ATP6V0A4: variants seen among roughly 807,000 people sequenced by gnomAD.
ATP6V0A4 encodes the protein V-type proton ATPase 116 kDa subunit a 4.
ATP6V0A4 carries 86 observed loss-of-function variants against 107.3 expected under a neutral mutation model. The observed-to-expected ratio is 0.80, with a 90% CI of 0.67 to 0.96. ATP6V0A4 has a LOEUF of 0.96. Among genes scored for constraint, ATP6V0A4 ranks in the 40% least tolerant of loss-of-function variants. ATP6V0A4 has a pLI of 0.00. For missense variants in ATP6V0A4, 908 were observed against 1,045.6 expected, an observed-to-expected ratio of 0.87 and a Z score of 1.81; for synonymous variants, 353 against 381.4, an observed-to-expected ratio of 0.93 and a Z score of 0.87.
At chr7:138,779,924 G>C (rs542104383) in intron 2 of ATP6V0A4, 8 of 152,304 alleles carry the variant, frequency 5.3e-5, no homozygotes, top group Non-Finnish European at 1.0e-4. Flanking sequence ...CTTGTTTCTG[G>C]AGCTGGTGAT....
At chr7:138,755,934 C>A (rs1481027715) in intron 9 of ATP6V0A4, 152 bp from the exon 10 acceptor site, 2 of 1,401,766 alleles carry the variant, frequency 1.4e-6, no homozygotes, top group African/African-American at 2.8e-5. Context: ...AAAGGAGTCC[C>A]AGTCATAAGG....
intron 13 of ATP6V0A4, among the ~76,000 whole-genome samples, chr7:138,745,820 G>A (rs545442108): frequency 4.1e-5 from 6 of 145,374 alleles, no homozygotes; most frequent in East Asian, 4.1e-4. Flanking sequence ...TGGTATGCAC[G>A]TTAGTCGCAG....
intron 12 of ATP6V0A4, chr7:138,747,777 G>A (rs2117278567): frequency 4.0e-6 from 3 of 751,586 alleles, no homozygotes; most frequent in South Asian, 3.8e-5. Context: ...TTTTTTGAAA[G>A]TGGGTCTCGC....
At chr7:138,738,564 A>T (rs1805462857) in intron 15 of ATP6V0A4, among the ~76,000 whole-genome samples, 1 of 152,200 alleles carries the variant, frequency 6.6e-6, no homozygotes, top group Non-Finnish European at 1.5e-5. Context: ...GCACTTTGCA[A>T]CTTACACACC....
chr7:138,718,016 G>A (rs1190818816), intron 19 of ATP6V0A4, among the ~76,000 whole-genome samples: 2 of 150,856 alleles, frequency 1.3e-5, no homozygotes, highest in South Asian at 4.2e-4. Context: ...AGTCACAGAT[G>A]TCTGCGGAGG....
chr7:138,712,654 A>G (rs7810105), intron 20 of ATP6V0A4, among the ~76,000 whole-genome samples: 20,899 of 152,054 alleles, frequency 0.14, 2,202 homozygotes, highest in African/African-American at 0.29. Context: ...TATGGACTGG[A>G]AGCCACGTCT....
intron 1 of ATP6V0A4, among the ~76,000 whole-genome samples, chr7:138,795,507 T>C (rs1214271102): frequency 6.6e-6 from 1 of 152,242 alleles, no homozygotes; most frequent in African/African-American, 2.4e-5. Context: ...AGGGACAGGC[T>C]CTGCTCACGT....
chr7:138,776,760 G>C (rs768392336), intron 2 of ATP6V0A4, among the ~76,000 whole-genome samples: 18 of 152,208 alleles, frequency 1.2e-4, no homozygotes, highest in Non-Finnish European at 1.8e-4. Context: ...CAGGATCCCA[G>C]CTCTGCCATT....
intron 4 of ATP6V0A4, 121 bp from the exon 5 acceptor site, chr7:138,768,995 T>C: frequency 6.4e-7 from 1 of 1,572,790 alleles, no homozygotes; most frequent in Non-Finnish European, 8.6e-7. Flanking sequence ...TCCTAGGAGC[T>C]GCCACAGCAC....
Position 138,706,410 on chromosome 7 carries a change from C to T in ATP6V0A4, c.*214G>A. The T allele has an allele frequency of 1.7e-6, 1 of 578,158 alleles. No individual in the cohort carries two copies. The highest frequency in any genetic ancestry group is 3.0e-5 in the East Asian group (1 of 33,446). 35.8% of individuals were successfully genotyped at this position (578,158 alleles called of 1,614,324 possible). A position where few individuals can be genotyped will look rare whatever the true frequency, so the allele number is the denominator to read the frequency against. On this transcript the variant is annotated 3_prime_UTR_variant, in exon 22 of 22. Transcript: ENST00000310018. ...CTTTATTATTTGAGAATTAATACCC[C>T]ACATGAAGACAATATCACTTGCCAA...
intron 14 of ATP6V0A4, among the ~76,000 whole-genome samples, chr7:138,743,854 G>A (rs1805766320): frequency 6.6e-6 from 1 of 152,140 alleles, no homozygotes; most frequent in Non-Finnish European, 1.5e-5. Flanking sequence ...CGTGATGCAC[G>A]TAGCCTAAGA....
chr7:138,769,162 A>G lies in ATP6V0A4; in HGVS notation c.196+11T>C, dbSNP rs1238567405. 1 of 1,490,500 alleles carries G rather than the reference A, an allele frequency of 6.7e-7. No individual in the cohort carries two copies. Among genetic ancestry groups the G allele is most frequent in the African/African-American group, 1.4e-5 (1 of 69,144 alleles). The allele number at this position is 1,490,500 out of a possible 1,614,324, so 92.3% of individuals were successfully genotyped here. ...TGAACAGTAAGAAAAAAAAAAAAAA[A>G]ATTGGCTTACGGAGGATTCTCTCCA... On this transcript the variant is annotated intron_variant, in intron 4 of 21. Coordinates refer to ENST00000310018, the MANE Select transcript of ATP6V0A4 (RefSeq NM_020632.3).
intron 18 of ATP6V0A4, among the ~76,000 whole-genome samples, chr7:138,726,867 C>T (rs1177490672): frequency 6.6e-6 from 1 of 152,008 alleles, no homozygotes; most frequent in African/African-American, 2.4e-5. Context: ...CCCTCCTTCC[C>T]TCTATTTAAG....
At chr7:138,715,912 T>C (rs750976811) in intron 19 of ATP6V0A4, 31 bp from the exon 20 acceptor site, 5 of 1,609,216 alleles carry the variant, frequency 3.1e-6, no homozygotes, top group East Asian at 2.2e-5. Context: ...TTTTACTTCA[T>C]TGAGAATTTT....
At chr7:138,761,783 G>A (rs984941118) in intron 7 of ATP6V0A4, among the ~76,000 whole-genome samples, 8 of 152,064 alleles carry the variant, frequency 5.3e-5, no homozygotes, top group Non-Finnish European at 7.4e-5. Context: ...GGGTTCAAGC[G>A]ATTCTCCTGC....
At chr7:138,791,888 G>T (rs146123827) in intron 1 of ATP6V0A4, among the ~76,000 whole-genome samples, 1 of 152,032 alleles carries the variant, frequency 6.6e-6, no homozygotes, top group African/African-American at 2.4e-5. Flanking sequence ...ACAATAAACC[G>T]GTAAACATGT....
At chr7:138,759,339 G>A (rs1183973190) in intron 8 of ATP6V0A4, among the ~76,000 whole-genome samples, 1 of 152,046 alleles carries the variant, frequency 6.6e-6, no homozygotes, top group African/African-American at 2.4e-5. Flanking sequence ...ACAGGCATAA[G>A]CCACCATGCC....
chr7:138,710,363 T>G (rs1238274067), intron 20 of ATP6V0A4, among the ~76,000 whole-genome samples: 1 of 152,018 alleles, frequency 6.6e-6, no homozygotes, highest in Non-Finnish European at 1.5e-5. Flanking sequence ...AGCTAATTTT[T>G]GTATATTTAG....
chr7:138,720,880 G>T (rs144724001), intron 19 of ATP6V0A4, among the ~76,000 whole-genome samples: 8,408 of 152,126 alleles, frequency 0.055, 344 homozygotes, highest in Non-Finnish European at 0.082. Context: ...CAAGTGATCC[G>T]CCCGCCTTGG....
Sources: allele counts gnomAD v4.1 joint callset (sites outside exome capture counted in the v4.1 genomes callset), GRCh38; gene constraint gnomAD v4.1.1; transcripts MANE v1.5; gene names NCBI Gene and HGNC (gene_info 2026-07-23, HGNC 2026-07-21).